PSD3: variants seen among roughly 807,000 people sequenced by gnomAD.
PSD3 encodes the protein pleckstrin and Sec7 domain containing 3.
In PSD3, 49 loss-of-function variants were observed where a neutral mutation model predicts 105.5. The observed-to-expected ratio is 0.46, with a 90% CI of 0.37 to 0.59. The LOEUF (loss-of-function observed/expected upper bound fraction) is 0.59. Ranked by LOEUF, PSD3 falls within the 20% of genes least tolerant of loss-of-function variation. The probability of loss-of-function intolerance (pLI) is 0.00; values close to 1 mark genes in which losing one functional copy is unlikely to be tolerated. For synonymous variants in PSD3, 557 were observed against 457.8 expected, an observed-to-expected ratio of 1.22 and a Z score of -2.77; for missense variants, 1,561 against 1,263.8, an observed-to-expected ratio of 1.24 and a Z score of -3.57.
chr8:18,960,068 G>A (rs1823818339), intron 1 of PSD3, among the ~76,000 whole-genome samples: 1 of 152,092 alleles, frequency 6.6e-6, no homozygotes, highest in Admixed American at 6.6e-5. Flanking sequence ...AATTCCTAGG[G>A]AACCTAATGC....
chr8:18,836,104 A>T (rs1270946932), intron 4 of PSD3, among the ~76,000 whole-genome samples: 3 of 152,244 alleles, frequency 2.0e-5, no homozygotes, highest in Non-Finnish European at 4.4e-5. Context: ...AATTGCTGAC[A>T]TGCTGAATAC....
At chr8:18,725,981 G>A (rs1483955695) in intron 9 of PSD3, among the ~76,000 whole-genome samples, 1 of 152,136 alleles carries the variant, frequency 6.6e-6, no homozygotes, top group African/African-American at 2.4e-5. Context: ...CTGTTCTTGG[G>A]GACTAGAAAA....
intron 2 of PSD3, among the ~76,000 whole-genome samples, chr8:18,920,046 A>G (rs970439021): frequency 1.9e-4 from 29 of 151,466 alleles, no homozygotes; most frequent in African/African-American, 7.0e-4. Context: ...CACAAAAAAA[A>G]AAAAGTTTCA....
chr8:18,544,721 A>G (rs2130012364), intron 15 of PSD3, among the ~76,000 whole-genome samples: 1 of 152,320 alleles, frequency 6.6e-6, no homozygotes, highest in Admixed American at 6.5e-5. Context: ...ACAGTCCAGG[A>G]GGCCTGGGTC....
rs911803968 is a variant in PSD3 at position 18,705,467 on chromosome 8, G to T, written c.2173-49782C>A. On this transcript the variant is annotated intron_variant, in intron 9 of 15. Transcript: ENST00000327040. ...GATGACTTGAGCTTGGGAGGCAGAGGTTACAGTGAGCTGAGACCGTGCCAC... is the reference window on the plus strand; with the variant it reads ...GATGACTTGAGCTTGGGAGGCAGAGTTTACAGTGAGCTGAGACCGTGCCAC... Among the ~76,000 whole-genome samples, 3 of 145,916 alleles carry T rather than the reference G, an allele frequency of 2.1e-5. No individual in the cohort carries two copies. The Admixed American group carries it at 2.1e-4, about 10-fold the overall frequency.
intron 10 of PSD3, among the ~76,000 whole-genome samples, chr8:18,637,607 A>C (rs1807358012): frequency 6.6e-6 from 1 of 152,166 alleles, no homozygotes; most frequent in South Asian, 2.1e-4. Context: ...ATGTGAATCG[A>C]TAGTTTGTTC....
At chr8:18,845,658 T>TG (rs1314734461) in intron 4 of PSD3, among the ~76,000 whole-genome samples, 2 of 151,914 alleles carry the variant, frequency 1.3e-5, no homozygotes, top group Admixed American at 6.6e-5. Flanking sequence ...CAGAAGAGGG[T>TG]GGGTGTGGTG....
chr8:18,770,503 G>T (rs185987137), intron 8 of PSD3, among the ~76,000 whole-genome samples: 59 of 152,256 alleles, frequency 3.9e-4, no homozygotes, highest in Non-Finnish European at 4.4e-5. Context: ...GGCAGATATG[G>T]GAGTATATGA....
chr8:18,681,183 T>C (rs1800366776), intron 9 of PSD3, among the ~76,000 whole-genome samples: 1 of 152,148 alleles, frequency 6.6e-6, no homozygotes, highest in South Asian at 2.1e-4. Context: ...TCTTATTTTT[T>C]ACAGGTTGGG....
intron 8 of PSD3, among the ~76,000 whole-genome samples, chr8:18,797,306 A>G (rs1810275831): frequency 6.6e-6 from 1 of 152,172 alleles, no homozygotes; most frequent in Non-Finnish European, 1.5e-5. Context: ...ACTGTTATTG[A>G]TAATTTTCTC....
chr8:19,084,583 T>C, exon 1 of PSD3: 1 of 359,770 alleles, frequency 2.8e-6, no homozygotes, highest in Non-Finnish European at 5.6e-6. Flanking sequence ...CAGCCCAGTG[T>C]CTTGGAGGCA....
At chr8:18,594,081 A>G (rs1384532395) in intron 12 of PSD3, among the ~76,000 whole-genome samples, 2 of 136,288 alleles carry the variant, frequency 1.5e-5, no homozygotes, top group African/African-American at 2.9e-5. Flanking sequence ...TATATAACAA[A>G]CCTGCACGTT....
intron 14 of PSD3, among the ~76,000 whole-genome samples, chr8:18,563,552 G>A (rs1801534323): frequency 6.6e-6 from 1 of 152,116 alleles, no homozygotes; most frequent in Non-Finnish European, 1.5e-5. Flanking sequence ...TCAGTTTGAG[G>A]GAGGCTCAAT....
At chr8:18,735,884 T>G (rs1413538581) in intron 9 of PSD3, among the ~76,000 whole-genome samples, 1 of 152,090 alleles carries the variant, frequency 6.6e-6, no homozygotes, top group Non-Finnish European at 1.5e-5. Flanking sequence ...GGAAACTTAT[T>G]TGGCAAATTG....
chr8:18,611,924 T>A (rs1291694397), intron 11 of PSD3, among the ~76,000 whole-genome samples: 2 of 152,228 alleles, frequency 1.3e-5, no homozygotes, highest in African/African-American at 4.8e-5. Context: ...CCTTCTTGCT[T>A]AACTGTTGAT....
rs1282250722 is a variant in PSD3, at chr8:18,630,108, C to T, written c.2410+2505G>A. Among the ~76,000 whole-genome samples, 6 of 151,822 alleles carry T rather than the reference C, an allele frequency of 4.0e-5. No homozygotes were observed. In the South Asian group the frequency reaches 8.3e-4, roughly 21 times the overall value. On this transcript the variant is annotated intron_variant, in intron 11 of 15. Transcript: ENST00000327040. ...CGTCTTAACCCATCCATATATTTTC[C>T]CTTTGGTTCTGAGGCAGGAACAGAG... is the stretch of plus-strand genomic sequence containing the variant.
intron 1 of PSD3, among the ~76,000 whole-genome samples, chr8:18,983,801 C>A (rs1825359307): frequency 6.6e-6 from 1 of 151,576 alleles, no homozygotes; most frequent in African/African-American, 2.4e-5. Flanking sequence ...GAGCTGGAGA[C>A]TAGCCAGGGC....
chr8:18,566,983 T>A (rs1291148834), intron 14 of PSD3, among the ~76,000 whole-genome samples: 5 of 152,212 alleles, frequency 3.3e-5, no homozygotes, highest in African/African-American at 1.2e-4. Context: ...TACATATCAC[T>A]TACTAGTATA....
intron 9 of PSD3, among the ~76,000 whole-genome samples, chr8:18,753,692 C>G (rs1805790021): frequency 6.6e-6 from 1 of 152,134 alleles, no homozygotes; most frequent in Non-Finnish European, 1.5e-5. Flanking sequence ...AGCGCATTTT[C>G]TGATTGAAGG....
Sources: allele counts gnomAD v4.1 joint callset (sites outside exome capture counted in the v4.1 genomes callset), GRCh38; gene constraint gnomAD v4.1.1; transcripts MANE v1.5; gene names NCBI Gene and HGNC (gene_info 2026-07-23, HGNC 2026-07-21).